NAV3: variants seen among roughly 807,000 people sequenced by gnomAD.
NAV3 encodes pore membrane and/or filament interacting like protein 1.
NAV3 carries 87 observed loss-of-function variants against 244.7 expected under a neutral mutation model. The observed-to-expected ratio is 0.36, with a 90% CI of 0.30 to 0.42. The LOEUF (loss-of-function observed/expected upper bound fraction) is 0.42. Ranked by LOEUF, NAV3 falls within the 20% of genes least tolerant of loss-of-function variation. The probability of loss-of-function intolerance (pLI) is 1.00; values close to 1 mark genes in which losing one functional copy is unlikely to be tolerated. For synonymous variants in NAV3, 1,126 were observed against 1,042.2 expected, an observed-to-expected ratio of 1.08 and a Z score of -1.55; for missense variants, 2,663 against 2,893.3, an observed-to-expected ratio of 0.92 and a Z score of 1.83.
At chr12:77,622,445 C>T (rs1871415765) in intron 2 of NAV3, among the ~76,000 whole-genome samples, 1 of 151,800 alleles carries the variant, frequency 6.6e-6, no homozygotes, top group East Asian at 1.9e-4. Context: ...AGGCTTGAGA[C>T]ACCGCACCCG....
chr12:77,738,365 C>T (rs1592634291), intron 2 of NAV3, among the ~76,000 whole-genome samples: 1 of 152,142 alleles, frequency 6.6e-6, no homozygotes, highest in East Asian at 1.9e-4. Context: ...GCATCTTCTT[C>T]ACAGGGTTAT....
Position 77,968,926 on chromosome 12 carries a change from T to G in NAV3, c.671+224T>G, listed in dbSNP as rs554317973. Among the ~76,000 whole-genome samples, 103 of 152,282 alleles carry G rather than the reference T, an allele frequency of 6.8e-4. 1 individual carries two copies. The highest frequency in any genetic ancestry group is 1.2e-3 in the Non-Finnish European group (85 of 68,028). On this transcript the variant is annotated intron_variant, in intron 5 of 39. Coordinates refer to ENST00000397909, the MANE Select transcript of NAV3 (RefSeq NM_001024383.2). ...CGTATTTTGTTTGTTTTCTAAAGATTGTTGTTCTGTATCACAGTGTGAAAT... is the reference window on the plus strand; with the variant it reads ...CGTATTTTGTTTGTTTTCTAAAGATGGTTGTTCTGTATCACAGTGTGAAAT...
intron 3 of NAV3, among the ~76,000 whole-genome samples, chr12:77,954,366 G>A (rs930275610): frequency 1.3e-5 from 2 of 152,172 alleles, no homozygotes; most frequent in African/African-American, 4.8e-5. Flanking sequence ...TAGTGAGAAT[G>A]TTTAAATTAT....
At chr12:77,835,747 G>A (rs1874517364) in intron 1 of NAV3, among the ~76,000 whole-genome samples, 1 of 152,112 alleles carries the variant, frequency 6.6e-6, no homozygotes, top group Non-Finnish European at 1.5e-5. Context: ...CCACATCCAT[G>A]CAGCATATTC....
chr12:77,609,977 A>G (rs1870840711), intron 2 of NAV3, among the ~76,000 whole-genome samples: 1 of 152,090 alleles, frequency 6.6e-6, no homozygotes. Context: ...TCATTGGGGA[A>G]GTTCAATATA....
At chr12:78,114,578 T>C (rs1308996809) in intron 12 of NAV3, among the ~76,000 whole-genome samples, 3 of 152,110 alleles carry the variant, frequency 2.0e-5, no homozygotes, top group African/African-American at 7.2e-5. Flanking sequence ...TCATGAGAAC[T>C]CACTCTCTTG....
At chr12:78,065,261 G>C (rs930356364) in intron 12 of NAV3, among the ~76,000 whole-genome samples, 1 of 152,080 alleles carries the variant, frequency 6.6e-6, no homozygotes, top group South Asian at 2.1e-4. Flanking sequence ...AGATTTTAAT[G>C]CAAGACAGCA....
chr12:78,097,706 A>G lies in NAV3; in HGVS notation c.2637-19066A>G, dbSNP rs529072800. ...TTTAAATATAAGAAATATTTTATTG[A>G]ATTAATACTTTAATGTAGCTGTTTC... On this transcript the variant is annotated intron_variant, in intron 12 of 39. Transcript: ENST00000397909. 9.9e-5 allele frequency among the ~76,000 whole-genome samples: 15 copies of G among 152,272 alleles called. No homozygotes were observed. The South Asian group carries it at 3.1e-3, about 32-fold the overall frequency.
chr12:77,777,829 C>T (rs534366834), intron 2 of NAV3, among the ~76,000 whole-genome samples: 11 of 149,540 alleles, frequency 7.4e-5, no homozygotes, highest in South Asian at 2.1e-4. Flanking sequence ...TTTTTTGAGA[C>T]GGAGTCTTGC....
intron 9 of NAV3, among the ~76,000 whole-genome samples, chr12:78,046,605 A>G (rs534948840): frequency 6.6e-6 from 1 of 152,208 alleles, no homozygotes; most frequent in South Asian, 2.1e-4. Flanking sequence ...ACTATTTGTT[A>G]GGATTTCCAT....
At chr12:77,608,774 G>A (rs695982) in intron 2 of NAV3, among the ~76,000 whole-genome samples, 50,038 of 151,826 alleles carry the variant, frequency 0.33, 8,538 homozygotes, top group Middle Eastern at 0.5. Context: ...AATCTTGGCT[G>A]TATTTTTTTC....
intron 24 of NAV3, 128 bp from the exon 25 acceptor site, chr12:78,175,178 A>G (rs2139642535): frequency 1.0e-6 from 1 of 954,876 alleles, no homozygotes; most frequent in African/African-American, 1.6e-5. Flanking sequence ...TCAAAACTGC[A>G]TTGAAATTAT....
intron 12 of NAV3, among the ~76,000 whole-genome samples, chr12:78,075,357 C>A (rs995098229): frequency 6.6e-6 from 1 of 151,908 alleles, no homozygotes; most frequent in Non-Finnish European, 1.5e-5. Flanking sequence ...ATGAAACTAA[C>A]AGTTACAAGA....
rs560294958 is a variant in NAV3, at chr12:77,944,807, A to G, written c.414+3674A>G. 4.9e-4 allele frequency among the ~76,000 whole-genome samples: 75 copies of G among 151,806 alleles called. 1 individual carries two copies. The South Asian group carries it at 0.013, about 26-fold the overall frequency. ...TGAGAGAGTGAGACTATTGTTGAGGAACAGAATCACAGATGTGGACTGCTA... is the reference window on the plus strand; with the variant it reads ...TGAGAGAGTGAGACTATTGTTGAGGGACAGAATCACAGATGTGGACTGCTA... On this transcript the variant is annotated intron_variant, in intron 3 of 39. Transcript: ENST00000397909.
chr12:77,861,163 G>A (rs1405525368), intron 1 of NAV3, among the ~76,000 whole-genome samples: 1 of 151,742 alleles, frequency 6.6e-6, no homozygotes, highest in Non-Finnish European at 1.5e-5. Flanking sequence ...ATATAGCTCT[G>A]TGGTATTTAC....
At chr12:77,939,279 T>C (rs1889633421) in intron 1 of NAV3, among the ~76,000 whole-genome samples, 1 of 152,178 alleles carries the variant, frequency 6.6e-6, no homozygotes, top group Non-Finnish European at 1.5e-5. Context: ...TCTTTGCCTG[T>C]CGGCTTTTCT....
rs764846950 is a variant in NAV3 at position 78,119,897 on chromosome 12, G to C, written c.3701G>C (p.Arg1234Thr). 1 of 1,613,974 alleles carries C rather than the reference G, an allele frequency of 6.2e-7. No individual in the cohort carries two copies. The highest frequency in any genetic ancestry group is 8.5e-7 in the Non-Finnish European group (1 of 1,180,008). Residue 1234 changes from arginine to threonine, a missense_variant, in exon 15 of 40, where the codon AGG becomes ACG. Coordinates refer to ENST00000397909, the MANE Select transcript of NAV3 (RefSeq NM_001024383.2). Reference sequence around the variant, plus strand: ...AGCGCCTGTGGTGCACAAGGTCTCAGGCAGCCAGGATCCAAGTATCCAGAT... The same window carrying C: ...AGCGCCTGTGGTGCACAAGGTCTCACGCAGCCAGGATCCAAGTATCCAGAT... ...SASACGAQGL[R>T]QPGSKYPDIA...
At position 77,923,909 on chromosome 12, in the gene NAV3, A is replaced by T. The variant is rs142864728; in HGVS notation, c.244-16410A>T. On this transcript the variant is annotated intron_variant, in intron 1 of 39. Coordinates refer to ENST00000397909, the MANE Select transcript of NAV3 (RefSeq NM_001024383.2). ...AGAAAACTGTAGGTACAACACAATG[A>T]TCTCTGCAAGGGAAATAGGGATTTG... is the stretch of plus-strand genomic sequence containing the variant. 2.4e-3 allele frequency among the ~76,000 whole-genome samples: 362 copies of T among 152,280 alleles called. 4 individuals carry two copies. The highest frequency in any genetic ancestry group is 8.2e-3 in the African/African-American group (339 of 41,566).
At chr12:78,012,090 G>A (rs1875389792) in intron 8 of NAV3, among the ~76,000 whole-genome samples, 1 of 152,110 alleles carries the variant, frequency 6.6e-6, no homozygotes, top group Non-Finnish European at 1.5e-5. Context: ...GGGACACAGA[G>A]CCAAACCATA....
Sources: gnomAD v4.1 joint callset for allele counts (sites outside exome capture counted in the v4.1 genomes callset) on GRCh38, gnomAD v4.1.1 for gene constraint, MANE v1.5 for transcripts, NCBI Gene and HGNC (gene_info 2026-07-23, HGNC 2026-07-21) for gene names.